CACNB2: variants seen among roughly 807,000 people sequenced by gnomAD.
CACNB2 encodes the protein calcium voltage-gated channel auxiliary subunit beta 2.
In CACNB2, 42 loss-of-function variants were observed where a neutral mutation model predicts 73.3. The ratio of observed to expected loss-of-function variants is 0.57; its 90% CI spans 0.45 to 0.74. CACNB2 has a LOEUF of 0.74. CACNB2 is among the 30% of genes least tolerant of loss of function. The probability of loss-of-function intolerance (pLI) is 0.00; values close to 1 mark genes in which losing one functional copy is unlikely to be tolerated. For synonymous variants in CACNB2, 348 were observed against 310.3 expected (o/e 1.12, Z -1.28); for missense variants, 940 against 853.0 (o/e 1.10, Z -1.27).
intron 1 of CACNB2, among the ~76,000 whole-genome samples, chr10:18,146,815 G>C (rs112400268): frequency 0.037 from 5,591 of 152,180 alleles, 348 homozygotes; most frequent in African/African-American, 0.13. Flanking sequence ...TAGAAACAGG[G>C]TTTCGCCATG....
intron 12 of CACNB2, 47 bp downstream of exon 12, chr10:18,536,243 C>CTTTTCTTTT (rs1327787339): frequency 0.013 from 3,568 of 281,110 alleles, 271 homozygotes; most frequent in East Asian, 0.019. Flanking sequence ...GAGATCAGAC[C>CTTTTCTTTT]TTTTTTTTTT....
At chr10:18,167,005 A>G (rs2131126715) in intron 2 of CACNB2, among the ~76,000 whole-genome samples, 1 of 152,284 alleles carries the variant, frequency 6.6e-6, no homozygotes, top group East Asian at 1.9e-4. Flanking sequence ...GCTCATTGAG[A>G]ATAAGACTGG....
intron 2 of CACNB2, among the ~76,000 whole-genome samples, chr10:18,277,450 T>A (rs1209197703): frequency 6.6e-6 from 1 of 152,248 alleles, no homozygotes; most frequent in Non-Finnish European, 1.5e-5. Context: ...CAGTGATCTC[T>A]GTTCTTTTCC....
chr10:18,500,777 G>C, intron 4 of CACNB2, 35 bp from the exon 5 acceptor site: 1 of 1,606,856 alleles, frequency 6.2e-7, no homozygotes, highest in Non-Finnish European at 8.5e-7. Context: ...GACCTTCTGT[G>C]CACTGATTTT....
intron 2 of CACNB2, among the ~76,000 whole-genome samples, chr10:18,322,987 G>C (rs1399086494): frequency 7.7e-6 from 1 of 129,728 alleles, no homozygotes; most frequent in Non-Finnish European, 1.6e-5. Flanking sequence ...TTTTGAGACA[G>C]GGTCTTGCTC....
At chr10:18,261,864 T>C in intron 2 of CACNB2, 4 of 508,950 alleles carry the variant, frequency 7.9e-6, no homozygotes, top group Non-Finnish European at 1.2e-5. Flanking sequence ...GGCCCTGCTG[T>C]GTTTTGCAAA....
intron 2 of CACNB2, among the ~76,000 whole-genome samples, chr10:18,174,881 T>C (rs1048288031): frequency 6.6e-6 from 1 of 152,190 alleles, no homozygotes; most frequent in African/African-American, 2.4e-5. Flanking sequence ...AAATACTAAT[T>C]CATTGGAAAG....
chr10:18,484,856 G>A (rs7097315), intron 3 of CACNB2, among the ~76,000 whole-genome samples: 99,954 of 152,070 alleles, frequency 0.66, 32,931 homozygotes, highest in South Asian at 0.79. Context: ...TATGTTGATC[G>A]TATAAAACAA....
intron 3 of CACNB2, among the ~76,000 whole-genome samples, chr10:18,456,184 A>G (rs1220846406): frequency 6.6e-6 from 1 of 151,990 alleles, no homozygotes; most frequent in Non-Finnish European, 1.5e-5. Flanking sequence ...CTTCCTACTG[A>G]TCTTGGCCAG....
intron 6 of CACNB2, among the ~76,000 whole-genome samples, chr10:18,509,661 G>A (rs4748478): frequency 0.39 from 59,814 of 151,704 alleles, 11,969 homozygotes; most frequent in East Asian, 0.53. Context: ...ATGGTGGTGT[G>A]CACCTATAGT....
chr10:18,532,697 C>CAAAA (rs1187679628), intron 10 of CACNB2, among the ~76,000 whole-genome samples: 2 of 125,112 alleles, frequency 1.6e-5, no homozygotes, highest in Non-Finnish European at 3.2e-5. Flanking sequence ...AAAAAAAAAA[C>CAAAA]AAAACAAAAA....
intron 12 of CACNB2, 46 bp downstream of exon 12, chr10:18,536,242 C>CTTTTTTTTTTTT (rs2053560893): frequency 3.6e-6 from 1 of 281,292 alleles, no homozygotes. Flanking sequence ...AGAGATCAGA[C>CTTTTTTTTTTTT]CTTTTTTTTT....
intron 2 of CACNB2, among the ~76,000 whole-genome samples, chr10:18,225,071 G>T (rs565583323): frequency 6.6e-6 from 1 of 152,080 alleles, no homozygotes; most frequent in Non-Finnish European, 1.5e-5. Flanking sequence ...ACTTAGCATG[G>T]ACATTTCATT....
intron 2 of CACNB2, among the ~76,000 whole-genome samples, chr10:18,218,140 C>T (rs1175033321): frequency 1.3e-5 from 2 of 152,198 alleles, no homozygotes; most frequent in East Asian, 1.9e-4. Flanking sequence ...TTCAGTCTAA[C>T]ATGTCATTAC....
intron 2 of CACNB2, among the ~76,000 whole-genome samples, chr10:18,377,218 G>A (rs1564483644): frequency 6.6e-6 from 1 of 152,168 alleles, no homozygotes. Context: ...AGAAGGGGAG[G>A]AGATTTCTTG....
chr10:18,462,353 C>A (rs1205776281), intron 3 of CACNB2, among the ~76,000 whole-genome samples: 1 of 152,102 alleles, frequency 6.6e-6, no homozygotes, highest in Admixed American at 6.6e-5. Context: ...CTCCTGGGCT[C>A]AAGCGATCCT....
intron 2 of CACNB2, among the ~76,000 whole-genome samples, chr10:18,204,817 T>A (rs1286076775): frequency 2.0e-5 from 3 of 152,176 alleles, no homozygotes; most frequent in African/African-American, 7.2e-5. Flanking sequence ...TGAATATACA[T>A]GTTATTGCTT....
intron 2 of CACNB2, among the ~76,000 whole-genome samples, chr10:18,283,165 A>C (rs2038627746): frequency 6.6e-6 from 1 of 152,202 alleles, no homozygotes; most frequent in Admixed American, 6.5e-5. Flanking sequence ...AAAAGTCAGG[A>C]AACAACAGGT....
At chr10:18,404,879 A>C (rs975663572) in intron 3 of CACNB2, among the ~76,000 whole-genome samples, 7 of 152,370 alleles carry the variant, frequency 4.6e-5, no homozygotes, top group Admixed American at 1.3e-4. Context: ...TTTCTTAACC[A>C]CTAAACTGCA....
Sources: allele counts gnomAD v4.1 joint callset (sites outside exome capture counted in the v4.1 genomes callset), GRCh38; gene constraint gnomAD v4.1.1; transcripts MANE v1.5; gene names NCBI Gene and HGNC (gene_info 2026-07-23, HGNC 2026-07-21).